STPG2: variants seen among roughly 807,000 people sequenced by gnomAD.
STPG2 encodes the protein sperm tail PG-rich repeat containing 2.
In STPG2, 56 loss-of-function variants were observed where a neutral mutation model predicts 54.2. The observed-to-expected ratio is 1.03, with a 90% CI of 0.83 to 1.29. STPG2 has a LOEUF of 1.29. Among genes scored for constraint, STPG2 ranks in the 50% most tolerant of loss-of-function variants. The probability of loss-of-function intolerance (pLI) is 0.00; values close to 1 mark genes in which losing one functional copy is unlikely to be tolerated. For missense variants in STPG2, 596 were observed against 544.9 expected (o/e 1.09, Z -0.93); for synonymous variants, 200 against 181.8 (o/e 1.10, Z -0.81).
At chr4:97,924,104 C>T (rs1440472788) in intron 8 of STPG2, among the ~76,000 whole-genome samples, 2 of 152,176 alleles carry the variant, frequency 1.3e-5, no homozygotes, top group Admixed American at 1.3e-4. Context: ...GTAACACTCA[C>T]CGCGAAGGTC....
At chr4:97,844,101 A>C (rs531764988) in intron 8 of STPG2, among the ~76,000 whole-genome samples, 52 of 152,002 alleles carry the variant, frequency 3.4e-4, no homozygotes, top group African/African-American at 1.1e-3. Context: ...GAAACCTCCT[A>C]ATTTCATACA....
intron 10 of STPG2, 111 bp downstream of exon 10, chr4:97,712,588 T>C (rs188869476): frequency 9.6e-6 from 6 of 622,852 alleles, no homozygotes; most frequent in Middle Eastern, 3.3e-4. Flanking sequence ...TTTTCATTAA[T>C]CAGCAATGTG....
At position 97,714,442 on chromosome 4, in the gene STPG2, T is replaced by C. The variant is rs78685269; in HGVS notation, c.1205-1628A>G. 1.9e-4 allele frequency among the ~76,000 whole-genome samples: 29 copies of C among 152,138 alleles called. 1 individual carries two copies. The East Asian group carries it at 5.6e-3, about 29-fold the overall frequency. ...TCAAGTGAAAAGCTGGTATTTAAAA[T>C]AAGGGAGGACATCCAGGCTCTAGCC... On this transcript the variant is annotated intron_variant, in intron 9 of 10. Transcript: ENST00000295268.
chr4:97,577,228 T>A (rs973568726), intron 10 of STPG2, among the ~76,000 whole-genome samples: 34 of 152,172 alleles, frequency 2.2e-4, no homozygotes, highest in Admixed American at 2.2e-3. Flanking sequence ...AACCTAGCAG[T>A]CCCATTACTG....
intron 5 of STPG2, among the ~76,000 whole-genome samples, chr4:98,100,183 A>G (rs1425562014): frequency 6.6e-6 from 1 of 152,190 alleles, no homozygotes; most frequent in Non-Finnish European, 1.5e-5. Context: ...TACATTCAAA[A>G]TTTTAAATAA....
chr4:98,139,522 A>G (rs1740222640), intron 1 of STPG2, among the ~76,000 whole-genome samples: 1 of 152,222 alleles, frequency 6.6e-6, no homozygotes, highest in African/African-American at 2.4e-5. Context: ...TGCATAGTCC[A>G]ACGTGTTACT....
At chr4:97,827,237 T>A (rs985817590) in intron 9 of STPG2, among the ~76,000 whole-genome samples, 1 of 48,912 alleles carries the variant, frequency 2.0e-5, no homozygotes, top group Non-Finnish European at 4.5e-5. Flanking sequence ...TATAGACAGC[T>A]TTTTTTTTTT....
intron 10 of STPG2, among the ~76,000 whole-genome samples, chr4:97,591,957 A>G (rs1733156578): frequency 6.6e-6 from 1 of 152,208 alleles, no homozygotes; most frequent in South Asian, 2.1e-4. Context: ...AAAATATCCC[A>G]GTACCTGAAA....
At chr4:98,120,409 T>A (rs1268887349) in intron 3 of STPG2, among the ~76,000 whole-genome samples, 1 of 152,080 alleles carries the variant, frequency 6.6e-6, no homozygotes, top group Non-Finnish European at 1.5e-5. Flanking sequence ...GTGATTTATA[T>A]TCCTCTGGGT....
chr4:97,919,909 G>T (rs932630575), intron 8 of STPG2, among the ~76,000 whole-genome samples: 1 of 152,006 alleles, frequency 6.6e-6, no homozygotes, highest in Non-Finnish European at 1.5e-5. Context: ...TGCCAACACT[G>T]CCCTCCTTGA....
intron 9 of STPG2, among the ~76,000 whole-genome samples, chr4:97,813,161 A>C (rs923629102): frequency 1.3e-5 from 2 of 152,086 alleles, no homozygotes; most frequent in African/African-American, 4.8e-5. Flanking sequence ...CTTCCACTTA[A>C]GCCTCCTATC....
rs541329621 is a variant in STPG2, at chr4:97,759,781, G to A, written c.1205-46967C>T. Among the ~76,000 whole-genome samples, 43 of 152,166 alleles carry A rather than the reference G, an allele frequency of 2.8e-4. No homozygotes were observed. The Middle Eastern group carries it at 0.014, about 48-fold the overall frequency. ...AAAAGTGCATCCTAAGGAAGGAGGC[G>A]GCATTCCTTTTTCTACCTATAATAA... On this transcript the variant is annotated intron_variant, in intron 9 of 10. Transcript: ENST00000295268.
At chr4:97,445,700 C>T (rs1729204390) in intron 4 of STPG2, among the ~76,000 whole-genome samples, 1 of 152,136 alleles carries the variant, frequency 6.6e-6, no homozygotes, top group African/African-American at 2.4e-5. Context: ...TAGTCTATGG[C>T]ATGAATAAAC....
intron 9 of STPG2, among the ~76,000 whole-genome samples, chr4:97,815,406 C>T (rs1156736083): frequency 6.6e-6 from 1 of 152,132 alleles, no homozygotes; most frequent in African/African-American, 2.4e-5. Context: ...ATCTGAAATT[C>T]TCTAATGAGC....
chr4:97,858,445 G>A (rs1392737246), intron 8 of STPG2, among the ~76,000 whole-genome samples: 1 of 152,030 alleles, frequency 6.6e-6, no homozygotes, highest in Non-Finnish European at 1.5e-5. Context: ...GAAACAGGTG[G>A]TTTTCAGTTG....
chr4:97,791,418 C>T (rs12501762), intron 9 of STPG2, among the ~76,000 whole-genome samples: 6,826 of 152,058 alleles, frequency 0.045, 241 homozygotes, highest in Admixed American at 0.13. Context: ...TCATATATGA[C>T]ACTGATGTTA....
At chr4:97,898,040 T>A (rs1731028199) in intron 8 of STPG2, among the ~76,000 whole-genome samples, 4 of 152,164 alleles carry the variant, frequency 2.6e-5, no homozygotes. Flanking sequence ...GTCTTGGGTT[T>A]TACATTTAAG....
chr4:97,473,072 C>A (rs1191033285), intron 4 of STPG2, among the ~76,000 whole-genome samples: 1 of 152,126 alleles, frequency 6.6e-6, no homozygotes, highest in Non-Finnish European at 1.5e-5. Flanking sequence ...ATCCTGTCAT[C>A]TCGTAAGCTG....
chr4:97,841,520 T>C (rs1014472016), intron 8 of STPG2, among the ~76,000 whole-genome samples: 1 of 151,866 alleles, frequency 6.6e-6, no homozygotes, highest in African/African-American at 2.4e-5. Context: ...ATATATTTGT[T>C]GGACAAGTAA....
Sources: allele counts gnomAD v4.1 joint callset (sites outside exome capture counted in the v4.1 genomes callset), GRCh38; gene constraint gnomAD v4.1.1; transcripts MANE v1.5; gene names NCBI Gene and HGNC (gene_info 2026-07-23, HGNC 2026-07-21).